ADGRB3: variants seen among roughly 807,000 people sequenced by gnomAD.
The protein encoded by ADGRB3 is brain-specific angiogenesis inhibitor 3.
ADGRB3 carries 37 observed loss-of-function variants against 193.4 expected under a neutral mutation model. The observed-to-expected ratio is 0.19, with a 90% CI of 0.15 to 0.25. The LOEUF (loss-of-function observed/expected upper bound fraction) is 0.25, where lower values mean the gene tolerates loss of function less well. Ranked by LOEUF, ADGRB3 falls within the 10% of genes least tolerant of loss-of-function variation. The pLI is 1.00. For synonymous variants in ADGRB3, 690 were observed against 644.2 expected (o/e 1.07, Z -1.08); for missense variants, 1,637 against 1,852.9 (o/e 0.88, Z 2.14).
chr6:69,082,605 G>A (rs927589124), intron 17 of ADGRB3, among the ~76,000 whole-genome samples: 3 of 151,866 alleles, frequency 2.0e-5, no homozygotes, highest in Non-Finnish European at 4.4e-5. Context: ...TTTATTTCTA[G>A]AGTTTCCATT....
At chr6:69,110,214 G>A (rs1040346196) in intron 17 of ADGRB3, among the ~76,000 whole-genome samples, 4 of 151,988 alleles carry the variant, frequency 2.6e-5, no homozygotes, top group African/African-American at 9.7e-5. Context: ...CCAAAGTGCT[G>A]GGATTATAGG....
chr6:69,297,880 TAGAG>T (rs1409383364), intron 20 of ADGRB3, among the ~76,000 whole-genome samples: 3 of 151,994 alleles, frequency 2.0e-5, no homozygotes, highest in African/African-American at 4.8e-5. Context: ...CTCCCTTACA[TAGAG>T]AGAGAAAAAA....
intron 20 of ADGRB3, among the ~76,000 whole-genome samples, chr6:69,266,349 T>C (rs1767039485): frequency 6.6e-6 from 1 of 152,000 alleles, no homozygotes; most frequent in Non-Finnish European, 1.5e-5. Context: ...AGTATTTCAA[T>C]GTTTATGTGC....
intron 17 of ADGRB3, among the ~76,000 whole-genome samples, chr6:69,219,460 C>CGTGT (rs943685062): frequency 3.6e-5 from 2 of 54,886 alleles, no homozygotes; most frequent in African/African-American, 9.9e-5. Flanking sequence ...TACACACACA[C>CGTGT]GTATATATAT....
chr6:68,881,250 T>G (rs972328480), intron 3 of ADGRB3, among the ~76,000 whole-genome samples: 1 of 152,112 alleles, frequency 6.6e-6, no homozygotes, highest in Non-Finnish European at 1.5e-5. Flanking sequence ...GTTATGTGAC[T>G]GATAAAATAC....
intron 3 of ADGRB3, among the ~76,000 whole-genome samples, chr6:68,756,568 G>A (rs1766302320): frequency 6.6e-6 from 1 of 152,052 alleles, no homozygotes; most frequent in South Asian, 2.1e-4. Flanking sequence ...TGTAGTGCAG[G>A]TGCTCACTTT....
intron 6 of ADGRB3, among the ~76,000 whole-genome samples, chr6:68,951,602 A>G (rs72906723): frequency 0.14 from 21,343 of 152,180 alleles, 1,983 homozygotes; most frequent in Non-Finnish European, 0.2. Context: ...TGTGTGTGTT[A>G]CGAGACTCCA....
chr6:69,121,261 G>A (rs1044839954), intron 17 of ADGRB3, among the ~76,000 whole-genome samples: 12 of 152,174 alleles, frequency 7.9e-5, no homozygotes, highest in East Asian at 7.7e-4. Flanking sequence ...ATCTTGCACC[G>A]CCCTTAATCC....
intron 17 of ADGRB3, among the ~76,000 whole-genome samples, chr6:69,138,934 G>C (rs1000125135): frequency 1.4e-4 from 21 of 152,310 alleles, no homozygotes; most frequent in African/African-American, 4.8e-4. Context: ...AAGTTAGCTA[G>C]TGCATGACTC....
At chr6:69,243,545 C>T (rs1766428034) in intron 20 of ADGRB3, among the ~76,000 whole-genome samples, 1 of 151,994 alleles carries the variant, frequency 6.6e-6, no homozygotes, top group African/African-American at 2.4e-5. Context: ...ATCTTATGTA[C>T]AGTTCATTTA....
At position 69,303,943 on chromosome 6, in the gene ADGRB3, C is replaced by T. The variant is rs72915015; in HGVS notation, c.2815-20929C>T. Among the ~76,000 whole-genome samples the T allele has an allele frequency of 5.8e-3, 878 of 151,960 alleles. 2 individuals are homozygous for T. The highest frequency in any genetic ancestry group is 8.9e-3 in the Admixed American group (135 of 15,250). ...TGACCACAGAGTGCTTTCTAGAACT[C>T]GAAGCCTCTTTATTCAAATAATAGC... On this transcript the variant is annotated intron_variant, in intron 20 of 31. Transcript: ENST00000370598.
At position 69,361,044 on chromosome 6, in the gene ADGRB3, C is replaced by T. The variant is rs762880659; in HGVS notation, c.3771C>T (p.His1257=). The T allele has an allele frequency of 2.5e-6, 4 of 1,612,776 alleles. No homozygotes were observed. Among genetic ancestry groups the T allele is most frequent in the Non-Finnish European group, 3.4e-6 (4 of 1,179,230 alleles). The change falls in exon 29 of 32, where the codon CAC becomes CAT. Residue 1257 remains histidine, a synonymous_variant. Coordinates refer to ENST00000370598, the MANE Select transcript of ADGRB3 (RefSeq NM_001704.3). ...KVIIQQPTGL[H]MPMSMNELSN... ...TCATCCAGCAACCCACAGGTTTGCA[C>T]ATGCCCATGAGTATGAATGAGCTTA... is the stretch of plus-strand genomic sequence containing the variant.
chr6:68,740,060 C>G (rs1451524094), intron 3 of ADGRB3, among the ~76,000 whole-genome samples: 1 of 152,114 alleles, frequency 6.6e-6, no homozygotes. Context: ...ACAAAACTCT[C>G]TGACACTCTA....
intron 27 of ADGRB3, among the ~76,000 whole-genome samples, chr6:69,354,582 G>A (rs569157976): frequency 7.2e-5 from 11 of 152,228 alleles, no homozygotes; most frequent in South Asian, 4.1e-4. Context: ...TCCTCCTTGC[G>A]TAGAATTAGG....
intron 3 of ADGRB3, among the ~76,000 whole-genome samples, chr6:68,834,583 G>T (rs896952728): frequency 2.0e-5 from 3 of 152,122 alleles, no homozygotes; most frequent in African/African-American, 7.2e-5. Context: ...TTTTGTGAAG[G>T]ATCAGAAATC....
At chr6:69,212,535 AT>A (rs982506899) in intron 17 of ADGRB3, among the ~76,000 whole-genome samples, 3 of 150,124 alleles carry the variant, frequency 2.0e-5, no homozygotes, top group Non-Finnish European at 3.0e-5. Flanking sequence ...GAAAAAAAAA[AT>A]AAAGGATCCC....
At chr6:69,032,189 A>C (rs1394822570) in intron 13 of ADGRB3, among the ~76,000 whole-genome samples, 1 of 152,204 alleles carries the variant, frequency 6.6e-6, no homozygotes, top group Non-Finnish European at 1.5e-5. Flanking sequence ...TTGGAATTAT[A>C]GGTCTTCCCC....
intron 10 of ADGRB3, among the ~76,000 whole-genome samples, chr6:68,986,840 C>T (rs1769090502): frequency 1.3e-5 from 2 of 152,060 alleles, no homozygotes; most frequent in Non-Finnish European, 2.9e-5. Context: ...CACAGAGCAA[C>T]TATGATAAAC....
At chr6:69,131,383 A>C (rs145739702) in intron 17 of ADGRB3, among the ~76,000 whole-genome samples, 2 of 148,536 alleles carry the variant, frequency 1.3e-5, no homozygotes, top group East Asian at 3.9e-4. Context: ...GTGTCTCCAC[A>C]GTTAAAGCAC....
Sources: gnomAD v4.1 joint callset for allele counts (sites outside exome capture counted in the v4.1 genomes callset) on GRCh38, gnomAD v4.1.1 for gene constraint, MANE v1.5 for transcripts, NCBI Gene and HGNC (gene_info 2026-07-23, HGNC 2026-07-21) for gene names.